The following PLEKHA7 variants were observed in gnomAD, a reference collection of about 807,000 sequenced individuals.
The protein encoded by PLEKHA7 is pleckstrin homology domain-containing family A member 7.
In PLEKHA7, 104 loss-of-function variants were observed where a neutral mutation model predicts 170.0. That is an observed-to-expected ratio of 0.61 (90% CI 0.52 to 0.72). The LOEUF is 0.72. PLEKHA7 is among the 30% of genes least tolerant of loss of function. The probability of loss-of-function intolerance (pLI) is 0.00; values close to 1 mark genes in which losing one functional copy is unlikely to be tolerated. For missense variants in PLEKHA7, 1,615 were observed against 1,671.7 expected (o/e 0.97, Z 0.59); for synonymous variants, 648 against 660.8 (o/e 0.98, Z 0.30).
chr11:16,804,173 G>A (rs970628932), intron 13 of PLEKHA7, among the ~76,000 whole-genome samples: 3 of 152,122 alleles, frequency 2.0e-5, no homozygotes, highest in Non-Finnish European at 4.4e-5. Context: ...CCCTCCCATG[G>A]CCAAGATAAG....
chr11:16,976,574 T>A (rs889765048), intron 3 of PLEKHA7, among the ~76,000 whole-genome samples: 1 of 152,222 alleles, frequency 6.6e-6, no homozygotes, highest in Non-Finnish European at 1.5e-5. Flanking sequence ...GAGGCCCTAT[T>A]TAACTTCCCT....
At position 16,789,966 on chromosome 11, in the gene PLEKHA7, C is replaced by T; in HGVS notation, c.3053-88G>A. The stretch of plus-strand genomic sequence containing the variant: ...CTCATCACACATTCTTGCAGGAGTA[C>T]CAAGAGCACCCAGTCAATGACCCAC... On this transcript the variant is annotated intron_variant, in intron 21 of 26. Transcript: ENST00000531066. This position sits in a 1 kb window ranked among gnomAD's most constrained non-coding sequence, Gnocchi z 4.6. The T allele has an allele frequency of 8.7e-7, 1 of 1,145,158 alleles. No individual in the cohort carries two copies. The highest frequency in any genetic ancestry group is 1.3e-6 in the Non-Finnish European group (1 of 770,558). The allele number at this position is 1,145,158 out of a possible 1,614,324, so 70.9% of individuals were successfully genotyped here.
In PLEKHA7 at chr11:16,854,930, G is replaced by A. The variant is rs1463407285; in HGVS notation, c.481C>T (p.Pro161Ser). Residue 161 changes from proline to serine, a missense_variant, in exon 6 of 27, where the codon CCC becomes TCC. Coordinates refer to ENST00000531066, the MANE Select transcript of PLEKHA7 (RefSeq NM_001329630.2). ...GKRDQAIRRN[P>S]NVPVVVRGWL... ...CCCCTCACCACCACGGGAACATTGG[G>A]GTTCCTCCGAATGGCCTGGTCTCTC... The A allele has an allele frequency of 3.1e-6, 5 of 1,613,890 alleles. No individual in the cohort carries two copies. The highest frequency in any genetic ancestry group is 1.3e-5 in the African/African-American group (1 of 74,844).
Position 16,892,432 on chromosome 11 carries a change from GTGTTTTGTTT to G in PLEKHA7, c.222-21260_222-21251del, listed in dbSNP as rs199820686. ...TGTGTGTGTGTGTGTGTGTGTGTGT[GTGTTTTGTTT>G]TGTTTTGTTTTGTTTTGTTTTGAGA... On this transcript the variant is annotated intron_variant, in intron 3 of 26. Coordinates refer to ENST00000531066, the MANE Select transcript of PLEKHA7 (RefSeq NM_001329630.2). Among the ~76,000 whole-genome samples, 135 of 115,012 alleles carry G rather than the reference GTGTTTTGTTT, an allele frequency of 1.2e-3. 1 individual carries two copies. The highest frequency in any genetic ancestry group is 8.7e-3 in the Middle Eastern group (2 of 230). 75.5% of individuals were successfully genotyped at this position (115,012 alleles called of 152,430 possible). A position where few individuals can be genotyped will look rare whatever the true frequency, so the allele number is the denominator to read the frequency against.
At chr11:16,924,548 G>A (rs889884990) in intron 3 of PLEKHA7, among the ~76,000 whole-genome samples, 1 of 152,168 alleles carries the variant, frequency 6.6e-6, no homozygotes, top group African/African-American at 2.4e-5. Context: ...AAGGAGGAGG[G>A]GTACAGACGG....
intron 8 of PLEKHA7, among the ~76,000 whole-genome samples, chr11:16,844,861 C>T (rs1284995570): frequency 6.6e-6 from 1 of 152,176 alleles, no homozygotes; most frequent in African/African-American, 2.4e-5. Flanking sequence ...CTGACTGGCT[C>T]ATTCTGGAAC....
At chr11:16,790,982 G>C (rs1439735846) in intron 20 of PLEKHA7, 29 bp downstream of exon 20, 2 of 1,613,940 alleles carry the variant, frequency 1.2e-6, no homozygotes, top group Middle Eastern at 1.7e-4. Flanking sequence ...CCCACATGTA[G>C]AGTGGCAGCC....
chr11:16,887,967 C>T (rs1354100388), intron 3 of PLEKHA7, among the ~76,000 whole-genome samples: 1 of 150,266 alleles, frequency 6.7e-6, no homozygotes, highest in Non-Finnish European at 1.5e-5. Flanking sequence ...TGCCCGGCCG[C>T]CCATCGTCTG....
chr11:16,914,115 C>A (rs1382189449), intron 3 of PLEKHA7, among the ~76,000 whole-genome samples: 8 of 151,732 alleles, frequency 5.3e-5, no homozygotes, highest in Admixed American at 5.2e-4. Flanking sequence ...GGGAAATACA[C>A]ATGATATCGT....
intron 3 of PLEKHA7, among the ~76,000 whole-genome samples, chr11:16,899,133 G>T (rs1418568760): frequency 6.6e-6 from 1 of 152,198 alleles, no homozygotes; most frequent in African/African-American, 2.4e-5. Context: ...CTTGGATGGT[G>T]TTTTCTAGAG....
chr11:16,937,899 C>A (rs978488521), intron 3 of PLEKHA7, among the ~76,000 whole-genome samples: 1 of 152,120 alleles, frequency 6.6e-6, no homozygotes, highest in African/African-American at 2.4e-5. Flanking sequence ...TGAGCCACAG[C>A]ACTCAGACGA....
intron 8 of PLEKHA7, among the ~76,000 whole-genome samples, chr11:16,850,961 G>A (rs1445328706): frequency 6.6e-6 from 1 of 152,196 alleles, no homozygotes; most frequent in African/African-American, 2.4e-5. Flanking sequence ...TGACAGGAAG[G>A]AGGGGTCTGA....
chr11:16,929,424 C>A (rs1468166402), intron 3 of PLEKHA7, among the ~76,000 whole-genome samples: 1 of 152,202 alleles, frequency 6.6e-6, no homozygotes, highest in East Asian at 1.9e-4. Flanking sequence ...TCTTAATAAG[C>A]CGAGAGCATA....
intron 3 of PLEKHA7, among the ~76,000 whole-genome samples, chr11:16,902,827 G>A (rs953349120): frequency 6.6e-5 from 10 of 151,860 alleles, no homozygotes; most frequent in African/African-American, 1.9e-4. Flanking sequence ...AATAACACAG[G>A]TAAAGGACTT....
rs374408996 is a variant in PLEKHA7 at position 16,794,984 on chromosome 11, A to G, written c.2444T>C (p.Ile815Thr). 14 of 1,613,878 alleles carry G rather than the reference A, an allele frequency of 8.7e-6. No homozygotes were observed. Among genetic ancestry groups the G allele is most frequent in the African/African-American group, 6.7e-5 (5 of 74,910 alleles). Reference sequence around the variant, plus strand: ...ACTCAGGCCTGCAGTGACATCTTCAATTCTCCATAGATCTTTCTGTATCTG... The same window carrying G: ...ACTCAGGCCTGCAGTGACATCTTCAGTTCTCCATAGATCTTTCTGTATCTG... The part of the protein sequence containing the change: ...KSQIQKDLWR[I>T]EDVTAGLSAN... Residue 815 changes from isoleucine (I) to threonine (T), a missense_variant, in exon 18 of 27, where the codon ATT (isoleucine) becomes ACT (threonine). By Grantham distance (89) the Ile-to-Thr change is moderately conservative. Transcript: ENST00000531066.
chr11:16,968,728 C>A (rs1026986135), intron 3 of PLEKHA7, among the ~76,000 whole-genome samples: 2 of 152,216 alleles, frequency 1.3e-5, no homozygotes, highest in African/African-American at 4.8e-5. Flanking sequence ...TCCCCCACCA[C>A]CAACAGCGCT....
intron 3 of PLEKHA7, among the ~76,000 whole-genome samples, chr11:16,949,699 T>C (rs999216749): frequency 1.3e-5 from 2 of 152,172 alleles, no homozygotes; most frequent in Non-Finnish European, 2.9e-5. Flanking sequence ...AAGAATTGGA[T>C]CTTACCCTGA....
intron 10 of PLEKHA7, among the ~76,000 whole-genome samples, chr11:16,822,493 T>G (rs1850302447): frequency 7.3e-6 from 1 of 136,972 alleles, no homozygotes. Flanking sequence ...GTGTCTGCTT[T>G]TGGTAGGGGA....
intron 3 of PLEKHA7, among the ~76,000 whole-genome samples, chr11:16,931,755 T>G (rs1421458174): frequency 1.6e-5 from 2 of 124,682 alleles, no homozygotes; most frequent in African/African-American, 3.4e-5. Context: ...TGAGATTCCA[T>G]CCCCCCCCCC....
Sources: allele counts gnomAD v4.1 joint callset (sites outside exome capture counted in the v4.1 genomes callset), GRCh38; gene constraint gnomAD v4.1.1; non-coding constraint Gnocchi (gnomAD v3.1); transcripts MANE v1.5; gene names NCBI Gene and HGNC (gene_info 2026-07-23, HGNC 2026-07-21).